TASOR: variants seen among roughly 807,000 people sequenced by gnomAD.
TASOR encodes transcription activation suppressor.
TASOR carries 53 observed loss-of-function variants against 178.6 expected under a neutral mutation model. The ratio of observed to expected loss-of-function variants is 0.30; its 90% CI spans 0.24 to 0.37. The LOEUF (loss-of-function observed/expected upper bound fraction) is 0.37, where lower values mean the gene tolerates loss of function less well. Ranked by LOEUF, TASOR falls within the 10% of genes least tolerant of loss-of-function variation. The pLI is 1.00. For synonymous variants in TASOR, 713 were observed against 696.2 expected, an observed-to-expected ratio of 1.02 and a Z score of -0.38; for missense variants, 1,815 against 1,971.4, an observed-to-expected ratio of 0.92 and a Z score of 1.50.
At chr3:56,661,764 G>A (rs2077600114) in intron 9 of TASOR, among the ~76,000 whole-genome samples, 2 of 152,116 alleles carry the variant, frequency 1.3e-5, no homozygotes, top group South Asian at 2.1e-4. Flanking sequence ...TATTCAAAAT[G>A]CTACATAAAA....
chr3:56,649,037 T>C lies in TASOR; in HGVS notation c.1389A>G (p.Gly463=). The C allele has an allele frequency of 6.2e-7, 1 of 1,608,006 alleles. No individual in the cohort carries two copies. Among genetic ancestry groups the C allele is most frequent in the Admixed American group, 1.7e-5 (1 of 58,808 alleles). ...REKLVLVKPL[G]DRGYLFLLSP... Reference sequence around the variant, plus strand: ...AGAGAAGAAAAAGGTATCCTCGGTCTCCCAAAGGTTTAACAAGAACCTGTA... The same window carrying C: ...AGAGAAGAAAAAGGTATCCTCGGTCCCCCAAAGGTTTAACAAGAACCTGTA... Residue 463 remains glycine, a synonymous_variant, in exon 12 of 24, where the codon GGA becomes GGG. Transcript: ENST00000683822.
chr3:56,641,605 G>C lies in TASOR; in HGVS notation c.2363C>G (p.Ser788Cys). 1 of 1,614,164 alleles carries C rather than the reference G, an allele frequency of 6.2e-7. No homozygotes were observed. The highest frequency in any genetic ancestry group is 8.5e-7 in the Non-Finnish European group (1 of 1,180,030). Residue 788 changes from serine (S) to cysteine (C), a missense_variant, in exon 15 of 24, where the codon TCT becomes TGT. By Grantham distance (112) the Ser-to-Cys change is moderately radical. This residue lies in a region of TASOR where 655 missense variants were observed against 671.1 expected (regional missense o/e 0.98). Transcript: ENST00000683822. ...TLANARHSDA[S>C]LTDTVNKALG... ...GGCTTTGTTGACTGTGTCTGTCAGAGATGCATCAGAATGGCGCGCATTTGC... is the reference window on the plus strand; with the variant it reads ...GGCTTTGTTGACTGTGTCTGTCAGACATGCATCAGAATGGCGCGCATTTGC...
At chr3:56,647,511 G>A (rs2077259886) in intron 13 of TASOR, among the ~76,000 whole-genome samples, 1 of 152,076 alleles carries the variant, frequency 6.6e-6, no homozygotes, top group Admixed American at 6.6e-5. Flanking sequence ...ACTTCCTACT[G>A]CCCCCAGGAA....
chr3:56,681,544 A>G (rs2031782491), intron 1 of TASOR, among the ~76,000 whole-genome samples: 1 of 152,202 alleles, frequency 6.6e-6, no homozygotes, highest in African/African-American at 2.4e-5. Flanking sequence ...CCAGTAGTGC[A>G]AATGGAACTG....
intron 23 of TASOR, 41 bp downstream of exon 23, chr3:56,624,438 T>C (rs2076754874): frequency 6.3e-7 from 1 of 1,591,618 alleles, no homozygotes; most frequent in African/African-American, 1.4e-5. Context: ...TTCCTCTTTT[T>C]CTGTCTGCGT....
chr3:56,679,474 A>T (rs1293663818), intron 1 of TASOR, among the ~76,000 whole-genome samples: 1 of 152,242 alleles, frequency 6.6e-6, no homozygotes, highest in East Asian at 1.9e-4. Flanking sequence ...ATATACAACT[A>T]ATGAAATACC....
At chr3:56,623,620 G>A in intron 23 of TASOR, 54 bp from the exon 24 acceptor site, 1 of 1,540,256 alleles carries the variant, frequency 6.5e-7, no homozygotes, top group South Asian at 1.3e-5. Context: ...GTTTGTTTAA[G>A]TTTTAAAATT....
chr3:56,648,839 G>T lies in TASOR; in HGVS notation c.1496C>A (p.Pro499His). 1 of 1,610,722 alleles carries T rather than the reference G, an allele frequency of 6.2e-7. No individual in the cohort carries two copies. Residue 499 changes from proline to histidine, a missense_variant, in exon 13 of 24, where the codon CCT becomes CAT. Pro to His is a moderately conservative substitution (Grantham distance 77). Coordinates refer to ENST00000683822, the MANE Select transcript of TASOR (RefSeq NM_001365635.2). ...GAACTTACAAGTAACTATGCTTCTA[G>T]GTTCTTGAAATAGAAACAAAGCATG... Reference protein sequence around the residue: ...VLHALFLFQEPRSIVTSQKGS... With the variant: ...VLHALFLFQEHRSIVTSQKGS...
intron 23 of TASOR, chr3:56,623,878 C>T (rs2076741901): frequency 1.3e-6 from 2 of 1,518,402 alleles, no homozygotes; most frequent in African/African-American, 2.8e-5. Flanking sequence ...TTTGACAAGA[C>T]AAATATAAAA....
intron 23 of TASOR, 82 bp downstream of exon 23, chr3:56,624,388 TTCAAAATGG>T: frequency 2.9e-6 from 4 of 1,384,060 alleles, no homozygotes; most frequent in Non-Finnish European, 4.0e-6. Flanking sequence ...GGTACGTGGT[TTCAAAATGG>T]TCATTTCATT....
intron 1 of TASOR, among the ~76,000 whole-genome samples, chr3:56,681,111 G>T (rs1181174027): frequency 6.7e-6 from 1 of 150,042 alleles, no homozygotes; most frequent in African/African-American, 2.5e-5. Context: ...AAAAAATCAC[G>T]GTTTGTCCAT....
At chr3:56,663,257 C>A (rs2077637161) in intron 8 of TASOR, among the ~76,000 whole-genome samples, 1 of 152,122 alleles carries the variant, frequency 6.6e-6, no homozygotes, top group Admixed American at 6.6e-5. Context: ...AATTCTAAGT[C>A]CTACACCTCT....
At chr3:56,627,901 T>C (rs1249138838) in intron 19 of TASOR, among the ~76,000 whole-genome samples, 160 bp from the exon 20 acceptor site, 1 of 152,198 alleles carries the variant, frequency 6.6e-6, no homozygotes, top group Non-Finnish European at 1.5e-5. Flanking sequence ...CCCAACATTA[T>C]TTCCCAATAT....
chr3:56,669,738 C>G lies in TASOR; in HGVS notation c.697G>C (p.Gly233Arg). The change falls in exon 5 of 24, where the codon GGG becomes CGG. Residue 233 changes from glycine to arginine, a missense_variant. This residue lies in a region of TASOR where 504 missense variants were observed against 645.3 expected (regional missense o/e 0.78). Transcript: ENST00000683822. ...AAAATAACAACATCACCCATTGCCCCCGTGTCCAAAGGATTCGCTTGTAAT... is the reference window on the plus strand; with the variant it reads ...AAAATAACAACATCACCCATTGCCCGCGTGTCCAAAGGATTCGCTTGTAAT... ...DLLQANPLDT[G>R]AMGDVVIFKI... 1 of 1,549,532 alleles carries G rather than the reference C, an allele frequency of 6.5e-7. No homozygotes were observed. The highest frequency in any genetic ancestry group is 8.7e-7 in the Non-Finnish European group (1 of 1,145,902).
At chr3:56,640,433 C>G (rs573651103) in intron 15 of TASOR, among the ~76,000 whole-genome samples, 15 of 152,298 alleles carry the variant, frequency 9.8e-5, no homozygotes, top group African/African-American at 3.6e-4. Context: ...CAAATGGACA[C>G]AGCTGTACTC....
intron 5 of TASOR, among the ~76,000 whole-genome samples, chr3:56,668,883 G>T (rs1466229881): frequency 6.6e-6 from 1 of 152,182 alleles, no homozygotes; most frequent in African/African-American, 2.4e-5. Flanking sequence ...ATGGCAGGCA[G>T]AACTGCTTGA....
In TASOR at chr3:56,624,841, T is replaced by G; in HGVS notation, c.4305A>C (p.Ile1435=). Residue 1435 remains isoleucine, a synonymous_variant, in exon 22 of 24, where the codon ATA becomes ATC. Transcript: ENST00000683822. The stretch of plus-strand genomic sequence containing the variant: ...TGCTCTCTTTACCTGTTAAAAAGAC[T>G]ATGTGTCGTTGCTGTATGTTCTGAG... ...LQAQNIQQRH[I]VFLTEKNIKM... 6.2e-7 allele frequency: 1 copy of G among 1,614,126 alleles called. No homozygotes were observed.
At position 56,627,682 on chromosome 3, in the gene TASOR, G is replaced by A; in HGVS notation, c.3930C>T (p.Ser1310=). The A allele has an allele frequency of 1.2e-6, 2 of 1,613,962 alleles. No individual in the cohort carries two copies. Among genetic ancestry groups the A allele is most frequent in the Non-Finnish European group, 1.7e-6 (2 of 1,179,928 alleles). The part of the protein sequence containing the change: ...LPCVSFAGVD[S]LDDVKNHTYN... ...ATGTATGATTTTTAACATCATCCAG[G>A]CTATCAACACCAGCAAAACTAACAC... The change falls in exon 20 of 24, where the codon AGC becomes AGT. Residue 1310 remains serine, a synonymous_variant. Coordinates refer to ENST00000683822, the MANE Select transcript of TASOR (RefSeq NM_001365635.2).
At chr3:56,673,511 A>G in intron 2 of TASOR, 69 bp downstream of exon 2, 1 of 1,248,136 alleles carries the variant, frequency 8.0e-7, no homozygotes, top group Non-Finnish European at 1.1e-6. Context: ...ATTTCTAGAG[A>G]ACATTTTTTT....
Sources: gnomAD v4.1 joint callset for allele counts (sites outside exome capture counted in the v4.1 genomes callset) on GRCh38, gnomAD v4.1.1 for gene constraint, gnomAD v4.1.1 regional missense constraint, MANE v1.5 for transcripts, NCBI Gene and HGNC (gene_info 2026-07-23, HGNC 2026-07-21) for gene names.